Variants in FYB2 observed in about 807,000 individuals in gnomAD.
FYB2 encodes FYN-binding protein 2.
FYB2 carries 103 observed loss-of-function variants against 94.1 expected under a neutral mutation model. The observed-to-expected ratio is 1.09, with a 90% confidence interval of 0.93 to 1.29. FYB2 has a LOEUF of 1.29. Ranked by LOEUF, FYB2 falls within the 50% of genes most tolerant of loss-of-function variation. The pLI, the probability that FYB2 is intolerant of heterozygous loss-of-function variation, is 0.00. For missense variants in FYB2, 896 were observed against 841.5 expected (o/e 1.06, Z -0.80); for synonymous variants, 293 against 287.9 (o/e 1.02, Z -0.18).
At chr1:56,780,575 T>C (rs1645985329) in intron 4 of FYB2, among the ~76,000 whole-genome samples, 1 of 152,210 alleles carries the variant, frequency 6.6e-6, no homozygotes, top group Admixed American at 6.5e-5. Context: ...TGACTTCACC[T>C]GACTCTCCAT....
At chr1:56,783,776 G>A (rs148282774) in intron 4 of FYB2, among the ~76,000 whole-genome samples, 15 of 152,244 alleles carry the variant, frequency 9.9e-5, no homozygotes, top group Middle Eastern at 3.4e-3. Context: ...TTGGCCCATA[G>A]TGGATGCTCA....
At position 56,792,758 on chromosome 1, in the gene FYB2, G is replaced by C. The variant is rs1208385514; in HGVS notation, c.55C>G (p.Leu19Val). ...GGTCCTGGAAGAGGTGGAGCATCAAGATTTTGAAATTTGGCTCGAAGTTCC... is the reference window on the plus strand; with the variant it reads ...GGTCCTGGAAGAGGTGGAGCATCAACATTTTGAAATTTGGCTCGAAGTTCC... ...FKELRAKFQN[L>V]DAPPLPGPIK... Residue 19 changes from leucine to valine, a missense_variant, in exon 2 of 20, where the codon CTT becomes GTT. Physicochemically the swap from Leu to Val is conservative, Grantham distance 32. Coordinates refer to ENST00000343433, the MANE Select transcript of FYB2 (RefSeq NM_001004303.5). 1.9e-6 allele frequency: 3 copies of C among 1,613,494 alleles called. No homozygotes were observed. Among genetic ancestry groups the C allele is most frequent in the Admixed American group, 1.7e-5 (1 of 59,964 alleles).
intron 1 of FYB2, among the ~76,000 whole-genome samples, chr1:56,803,728 G>T (rs1405741217): frequency 6.6e-6 from 1 of 152,196 alleles, no homozygotes; most frequent in Non-Finnish European, 1.5e-5. Flanking sequence ...TTATGTTGCA[G>T]TCACGTAGAA....
intron 1 of FYB2, among the ~76,000 whole-genome samples, chr1:56,793,933 G>T (rs1557656868): frequency 1.3e-5 from 2 of 152,090 alleles, no homozygotes; most frequent in Non-Finnish European, 2.9e-5. Flanking sequence ...ATCCTCTAGG[G>T]AAATACTCTG....
At chr1:56,764,256 T>C (rs1228311570) in intron 5 of FYB2, among the ~76,000 whole-genome samples, 1 of 152,098 alleles carries the variant, frequency 6.6e-6, no homozygotes, top group African/African-American at 2.4e-5. Flanking sequence ...TCCTGACCCA[T>C]ATTATGTCTT....
intron 5 of FYB2, among the ~76,000 whole-genome samples, chr1:56,766,501 T>G (rs1645626444): frequency 2.0e-5 from 3 of 152,028 alleles, no homozygotes; most frequent in Non-Finnish European, 4.4e-5. Context: ...TGGCGCGATC[T>G]CGGCTCATTG....
intron 1 of FYB2, among the ~76,000 whole-genome samples, chr1:56,813,475 A>G (rs1273430418): frequency 6.6e-6 from 1 of 152,174 alleles, no homozygotes; most frequent in African/African-American, 2.4e-5. Context: ...CCCATGATTC[A>G]ATTACCTCCT....
chr1:56,771,439 G>A (rs949929334), intron 4 of FYB2, among the ~76,000 whole-genome samples: 6 of 152,252 alleles, frequency 3.9e-5, no homozygotes, highest in South Asian at 4.1e-4. Flanking sequence ...TAGCTCAAAC[G>A]TAAGAACATA....
At chr1:56,825,777 T>C in the FYB2 span, among the ~76,000 whole-genome samples, 2 of 152,194 alleles carry the variant, frequency 1.3e-5, no homozygotes, top group African/African-American at 4.8e-5. Flanking sequence ...CTAGGCTTTG[T>C]TCTATGGATT....
chr1:56,758,668 C>CA, intron 6 of FYB2, 48 bp downstream of exon 6: 2 of 1,425,020 alleles, frequency 1.4e-6, no homozygotes, highest in Non-Finnish European at 1.9e-6. Flanking sequence ...ATCAACCTTG[C>CA]ATGCTTATTT....
intron 19 of FYB2, 73 bp downstream of exon 19, chr1:56,719,949 C>T (rs961252605): frequency 7.1e-7 from 1 of 1,413,222 alleles, no homozygotes; most frequent in African/African-American, 1.5e-5. Flanking sequence ...ATTCAGTAGT[C>T]TTCTCTTGAG....
chr1:56,752,074 G>T (rs954216368), intron 8 of FYB2, among the ~76,000 whole-genome samples: 8 of 152,090 alleles, frequency 5.3e-5, no homozygotes, highest in African/African-American at 1.9e-4. Context: ...GGAAGTGTTT[G>T]TGTCCTTATA....
chr1:56,782,911 A>C (rs1646041382), intron 4 of FYB2, among the ~76,000 whole-genome samples: 1 of 152,164 alleles, frequency 6.6e-6, no homozygotes, highest in Admixed American at 6.5e-5. Context: ...AATGAATAAA[A>C]TATTAGCCAA....
At chr1:56,815,833 A>G (rs1172831098) in intron 1 of FYB2, among the ~76,000 whole-genome samples, 2 of 152,154 alleles carry the variant, frequency 1.3e-5, no homozygotes, top group Non-Finnish European at 2.9e-5. Flanking sequence ...AAGCTCCCTG[A>G]CTGGCCAGCT....
chr1:56,777,379 C>T (rs956292702), intron 4 of FYB2, among the ~76,000 whole-genome samples: 1 of 151,984 alleles, frequency 6.6e-6, no homozygotes, highest in Non-Finnish European at 1.5e-5. Flanking sequence ...TAAATCAATG[C>T]CCTTAACTTC....
intron 5 of FYB2, among the ~76,000 whole-genome samples, chr1:56,766,229 G>A (rs1217758583): frequency 1.3e-5 from 2 of 152,140 alleles, no homozygotes; most frequent in East Asian, 3.9e-4. Flanking sequence ...TGACTTGTAT[G>A]AACGCTAGAA....
chr1:56,813,483 C>G (rs957491641), intron 1 of FYB2, among the ~76,000 whole-genome samples: 5 of 152,218 alleles, frequency 3.3e-5, no homozygotes, highest in African/African-American at 2.4e-5. Context: ...TCAATTACCT[C>G]CTGCCAGGTC....
intron 16 of FYB2, 126 bp from the exon 17 acceptor site, chr1:56,723,807 A>G: frequency 1.7e-6 from 1 of 604,724 alleles, no homozygotes; most frequent in East Asian, 3.0e-5. Context: ...AATTTTATAT[A>G]AAATAATACA....
chr1:56,767,047 T>TGTATCAAACATTAGGGG (rs1485221600), intron 5 of FYB2, among the ~76,000 whole-genome samples: 16 of 152,234 alleles, frequency 1.1e-4, no homozygotes, highest in African/African-American at 3.4e-4. Flanking sequence ...TTCAGTTTCC[T>TGTATCAAACATTAGGGG]GTATCAAACA....
Sources: gnomAD v4.1 joint callset for allele counts (sites outside exome capture counted in the v4.1 genomes callset) on GRCh38, gnomAD v4.1.1 for gene constraint, MANE v1.5 for transcripts, NCBI Gene and HGNC (gene_info 2026-07-23, HGNC 2026-07-21) for gene names.